The following SPTLC1 variants were observed in gnomAD, a reference collection of about 807,000 sequenced individuals.
SPTLC1 encodes serine palmitoyltransferase 1.
In SPTLC1, 55 loss-of-function variants were observed where a neutral mutation model predicts 68.9. That is an observed-to-expected ratio of 0.80 (90% confidence interval 0.64 to 1.00). SPTLC1 has a LOEUF of 1.00. Ranked by LOEUF, SPTLC1 falls within the 50% of genes least tolerant of loss-of-function variation. SPTLC1 has a pLI of 0.00. For synonymous variants in SPTLC1, 197 were observed against 201.6 expected (o/e 0.98, Z 0.19); for missense variants, 449 against 573.1 (o/e 0.78, Z 2.21).
chr9:92,041,494 T>C (rs1833348405), intron 12 of SPTLC1, among the ~76,000 whole-genome samples: 1 of 152,158 alleles, frequency 6.6e-6, no homozygotes, highest in Non-Finnish European at 1.5e-5. Context: ...TCAACAACTA[T>C]TCCCAAACCA....
chr9:92,056,781 C>CTTT (rs1833906050), intron 7 of SPTLC1, among the ~76,000 whole-genome samples: 1 of 151,956 alleles, frequency 6.6e-6, no homozygotes, highest in Non-Finnish European at 1.5e-5. Flanking sequence ...TTACAACCCA[C>CTTT]AGCAGTAGCA....
At chr9:92,089,914 A>C (rs918071496) in intron 3 of SPTLC1, among the ~76,000 whole-genome samples, 2 of 152,258 alleles carry the variant, frequency 1.3e-5, no homozygotes, top group African/African-American at 2.4e-5. Context: ...AGGCCAGGCC[A>C]TGATGAAGAA....
At position 92,099,188 on chromosome 9, in the gene SPTLC1, T is replaced by C. The variant is rs556501807; in HGVS notation, c.260+9552A>G. On this transcript the variant is annotated intron_variant, in intron 3 of 14. Transcript: ENST00000262554. ...GAAAGGGCAGAGCAAGGTTGCTGCA[T>C]GAGCTGGGGTCCTGTTAGGGGCACC... Among the ~76,000 whole-genome samples, 4 of 152,346 alleles carry C rather than the reference T, an allele frequency of 2.6e-5. No individual in the cohort carries two copies. In the East Asian group the frequency reaches 5.8e-4, roughly 22 times the overall value.
chr9:92,110,735 C>T (rs1836201481), intron 2 of SPTLC1: 1 of 152,182 alleles, frequency 6.6e-6, no homozygotes, highest in Non-Finnish European at 1.5e-5. Flanking sequence ...ATGCATTTCA[C>T]TCTAGGATTC....
chr9:92,059,263 G>A lies in SPTLC1; in HGVS notation c.606C>T (p.Ser202=), dbSNP rs1401001544. 2 of 1,613,846 alleles carry A rather than the reference G, an allele frequency of 1.2e-6. No homozygotes were observed. Among genetic ancestry groups the A allele is most frequent in the Admixed American group, 3.3e-5 (2 of 59,998 alleles). The change falls in exon 7 of 15, where the codon TCC becomes TCT. Residue 202 remains serine (S), a synonymous_variant. Coordinates refer to ENST00000262554, the MANE Select transcript of SPTLC1 (RefSeq NM_006415.4). ...CFAIQKGLQA[S]RSDIKLFKHN... is the part of the protein sequence containing the mutation. ...GCTTAAATAACTTAATGTCACTACG[G>A]GATGCCTGTAATCCTTTCTGAATAG...
chr9:92,054,028 T>C (rs1025872566), intron 8 of SPTLC1: 2 of 950,378 alleles, frequency 2.1e-6, no homozygotes, highest in East Asian at 2.3e-4. Context: ...ACGCCTGTAA[T>C]CTCAGCACTT....
intron 5 of SPTLC1, among the ~76,000 whole-genome samples, chr9:92,073,127 G>A (rs764224675): frequency 3.9e-5 from 6 of 152,092 alleles, no homozygotes; most frequent in Admixed American, 6.6e-5. Context: ...CCCTTTGAGA[G>A]GTGGCAGGAG....
chr9:92,102,375 T>A lies in SPTLC1; in HGVS notation c.260+6365A>T, dbSNP rs144960607. 2.2e-3 allele frequency among the ~76,000 whole-genome samples: 341 copies of A among 152,344 alleles called. 3 individuals are homozygous for A. Among genetic ancestry groups the A allele is most frequent in the Middle Eastern group, 6.8e-3 (2 of 294 alleles). Reference sequence around the variant, plus strand: ...GTAAATTCATATTCAAACTGAGAATTCTACATTACTGAAATTAATGCTTTA... The same window carrying A: ...GTAAATTCATATTCAAACTGAGAATACTACATTACTGAAATTAATGCTTTA... On this transcript the variant is annotated intron_variant, in intron 3 of 14. Coordinates refer to ENST00000262554, the MANE Select transcript of SPTLC1 (RefSeq NM_006415.4).
intron 3 of SPTLC1, among the ~76,000 whole-genome samples, chr9:92,099,273 G>A (rs781379059): frequency 1.3e-5 from 2 of 152,172 alleles, no homozygotes; most frequent in Non-Finnish European, 2.9e-5. Context: ...TGGAGGAAGA[G>A]TACCTTCCCC....
In SPTLC1 at chr9:92,045,900, TG is replaced by T. The variant is rs1373489670; in HGVS notation, c.1136+98del. Reference sequence around the variant, plus strand: ...AGTTTTTGGTTTCTTAGCTGCAATCTGGTCAAACTGACCCAAGCCTAGAAAT... The same window carrying T: ...AGTTTTTGGTTTCTTAGCTGCAATCTGTCAAACTGACCCAAGCCTAGAAAT... On this transcript the variant is annotated intron_variant, in intron 12 of 14. Coordinates refer to ENST00000262554, the MANE Select transcript of SPTLC1 (RefSeq NM_006415.4). The T allele has an allele frequency of 3.6e-6, 4 of 1,105,072 alleles. No homozygotes were observed. In the African/African-American group the frequency reaches 6.3e-5, roughly 17 times the overall value. 68.5% of individuals were successfully genotyped at this position (1,105,072 alleles called of 1,614,324 possible).
At chr9:92,049,152 T>C (rs1179167890) in intron 9 of SPTLC1, among the ~76,000 whole-genome samples, 2 of 152,194 alleles carry the variant, frequency 1.3e-5, no homozygotes, top group South Asian at 2.1e-4. Context: ...GGATATTCAC[T>C]CTGCTTTACA....
At chr9:92,041,702 AAC>A (rs1307652833) in intron 12 of SPTLC1, among the ~76,000 whole-genome samples, 3 of 152,244 alleles carry the variant, frequency 2.0e-5, no homozygotes, top group Non-Finnish European at 2.9e-5. Flanking sequence ...TTAAATTATA[AAC>A]AGATATAAAA....
At chr9:92,070,938 G>C (rs767735395) in intron 5 of SPTLC1, among the ~76,000 whole-genome samples, 16 of 152,120 alleles carry the variant, frequency 1.1e-4, no homozygotes, top group Admixed American at 6.6e-4. Context: ...AGAGCCACTT[G>C]TTCAGCTTCT....
At chr9:92,056,430 T>C (rs1833893358) in intron 7 of SPTLC1, among the ~76,000 whole-genome samples, 3 of 152,196 alleles carry the variant, frequency 2.0e-5, no homozygotes, top group Admixed American at 6.5e-5. Context: ...GGTTTCACCA[T>C]GTTGGCCAGG....
chr9:92,092,029 T>A (rs1835379164), intron 3 of SPTLC1, among the ~76,000 whole-genome samples: 1 of 152,216 alleles, frequency 6.6e-6, no homozygotes, highest in Non-Finnish European at 1.5e-5. Context: ...AGACAGAGAA[T>A]GAATCCATAC....
chr9:92,081,012 T>A (rs778922993), intron 3 of SPTLC1, 49 bp from the exon 4 acceptor site: 1 of 1,375,566 alleles, frequency 7.3e-7, no homozygotes, highest in South Asian at 1.2e-5. Context: ...TCATGTTACA[T>A]GCTATCATAT....
intron 3 of SPTLC1, among the ~76,000 whole-genome samples, chr9:92,089,263 A>T (rs979628932): frequency 6.6e-6 from 1 of 152,178 alleles, no homozygotes; most frequent in African/African-American, 2.4e-5. Context: ...ATACAAAAAA[A>T]TAAGCTAGGC....
At chr9:92,099,296 A>G (rs1175350239) in intron 3 of SPTLC1, among the ~76,000 whole-genome samples, 1 of 152,110 alleles carries the variant, frequency 6.6e-6, no homozygotes, top group East Asian at 1.9e-4. Context: ...ATCCACACAA[A>G]GGCATGACAG....
At chr9:92,107,165 G>A (rs889466118) in intron 3 of SPTLC1, among the ~76,000 whole-genome samples, 10 of 152,148 alleles carry the variant, frequency 6.6e-5, no homozygotes, top group South Asian at 2.1e-4. Flanking sequence ...TGAAGAACAC[G>A]GAGATAGAAA....
Sources: gnomAD v4.1 joint callset for allele counts (sites outside exome capture counted in the v4.1 genomes callset) on GRCh38, gnomAD v4.1.1 for gene constraint, MANE v1.5 for transcripts, NCBI Gene and HGNC (gene_info 2026-07-23, HGNC 2026-07-21) for gene names.